PLEKHA8: variants seen among roughly 807,000 people sequenced by gnomAD.
PLEKHA8 encodes the protein pleckstrin homology domain-containing family A member 8.
PLEKHA8 carries 36 observed loss-of-function variants against 68.2 expected under a neutral mutation model. The observed-to-expected ratio is 0.53, with a 90% CI of 0.40 to 0.70. The LOEUF (loss-of-function observed/expected upper bound fraction) is 0.70, where lower values mean the gene tolerates loss of function less well. Among genes scored for constraint, PLEKHA8 ranks in the 30% least tolerant of loss-of-function variants. The pLI, the probability that PLEKHA8 is intolerant of heterozygous loss-of-function variation, is 0.00. For synonymous variants in PLEKHA8, 211 were observed against 216.1 expected, an observed-to-expected ratio of 0.98 and a Z score of 0.20; for missense variants, 505 against 615.4, an observed-to-expected ratio of 0.82 and a Z score of 1.90.
intron 13 of PLEKHA8, among the ~76,000 whole-genome samples, chr7:30,095,809 A>G (rs1170409447): frequency 1.3e-5 from 2 of 152,082 alleles, no homozygotes; most frequent in African/African-American, 4.8e-5. Context: ...TGTTTTTGTC[A>G]GGTTTGTCAA....
intron 13 of PLEKHA8, among the ~76,000 whole-genome samples, chr7:30,115,162 T>G (rs903678962): frequency 1.3e-5 from 2 of 152,104 alleles, no homozygotes; most frequent in African/African-American, 4.8e-5. Context: ...TTAAAATAAT[T>G]TTTGCTGTAT....
In PLEKHA8 at chr7:30,083,788, ATATATT is replaced by A. The variant is rs1485225045; in HGVS notation, c.*5004_*5009del. ...ATATCCTGCTTGTTCTAAATAGTTCATATATTTAAAGTGTGGTCAGTATTTCCTCCC... is the reference window on the plus strand; with the variant it reads ...ATATCCTGCTTGTTCTAAATAGTTCATAAAGTGTGGTCAGTATTTCCTCCC... On this transcript the variant is annotated 3_prime_UTR_variant, in exon 14 of 14. Transcript: ENST00000449726. The A allele has an allele frequency of 2.8e-5, 28 of 985,240 alleles. No individual in the cohort carries two copies. Among genetic ancestry groups the A allele is most frequent in the Non-Finnish European group, 3.4e-5 (28 of 829,872 alleles). The allele number at this position is 985,240 out of a possible 1,614,324, so 61.0% of individuals were successfully genotyped here.
Position 30,082,369 on chromosome 7 carries a change from G to A in PLEKHA8, c.*3582G>A, listed in dbSNP as rs1794979440. The A allele has an allele frequency of 1.0e-6, 1 of 985,378 alleles. No individual in the cohort carries two copies. The highest frequency in any genetic ancestry group is 1.2e-6 in the Non-Finnish European group (1 of 829,960). The allele number at this position is 985,378 out of a possible 1,614,324, so 61.0% of individuals were successfully genotyped here. On this transcript the variant is annotated 3_prime_UTR_variant, in exon 14 of 14. Transcript: ENST00000449726. ...CCCCATTTCCCAGGAGCAGCTTCTA[G>A]CACATATGTAGAGTATCTGGCACCA...
chr7:30,064,354 C>T (rs1404674637), intron 12 of PLEKHA8, among the ~76,000 whole-genome samples: 1 of 152,124 alleles, frequency 6.6e-6, no homozygotes, highest in Non-Finnish European at 1.5e-5. Flanking sequence ...GAGTTTGAGA[C>T]CAGCCTATGC....
intron 13 of PLEKHA8, among the ~76,000 whole-genome samples, chr7:30,121,433 T>C (rs11770298): frequency 0.16 from 24,174 of 152,080 alleles, 2,049 homozygotes; most frequent in African/African-American, 0.22. Context: ...GTTCGAGACC[T>C]GCCTGTCCAA....
chr7:30,087,485 A>G (rs746360581), downstream of PLEKHA8, among the ~76,000 whole-genome samples: 11 of 152,178 alleles, frequency 7.2e-5, no homozygotes, highest in East Asian at 1.9e-4. Flanking sequence ...GGTTGCACCT[A>G]CAGCTTTTCC....
intron 13 of PLEKHA8, among the ~76,000 whole-genome samples, chr7:30,102,263 A>T (rs1209142507): frequency 6.6e-6 from 1 of 152,262 alleles, no homozygotes; most frequent in Admixed American, 6.5e-5. Flanking sequence ...TATAATAGTA[A>T]TTTTTAAAAT....
At chr7:30,059,620 T>C (rs1370325110) in intron 9 of PLEKHA8, among the ~76,000 whole-genome samples, 1 of 152,034 alleles carries the variant, frequency 6.6e-6, no homozygotes, top group Non-Finnish European at 1.5e-5. Context: ...TTTTGGCCTC[T>C]TAGCTACCTA....
chr7:30,083,689 G>A lies in PLEKHA8; in HGVS notation c.*4902G>A. 2 of 985,346 alleles carry A rather than the reference G, an allele frequency of 2.0e-6. No individual in the cohort carries two copies. The highest frequency in any genetic ancestry group is 1.2e-6 in the Non-Finnish European group (1 of 829,892). 61.0% of individuals were successfully genotyped at this position (985,346 alleles called of 1,614,324 possible). ...AATGCAAAAGTCTTCAAAATTCTTT[G>A]TTTCCTGTATTAATCACTTCTGTTC... On this transcript the variant is annotated 3_prime_UTR_variant, in exon 14 of 14. Coordinates refer to ENST00000449726, the MANE Select transcript of PLEKHA8 (RefSeq NM_001197026.2).
chr7:30,047,669 G>A (rs942751666), intron 3 of PLEKHA8, among the ~76,000 whole-genome samples, 163 bp from the exon 4 acceptor site: 1 of 152,094 alleles, frequency 6.6e-6, no homozygotes, highest in Non-Finnish European at 1.5e-5. Context: ...TTGTTATTAT[G>A]TCTTCACCTG....
At chr7:30,056,430 A>T (rs1405183237) in intron 9 of PLEKHA8, among the ~76,000 whole-genome samples, 1 of 145,194 alleles carries the variant, frequency 6.9e-6, no homozygotes, top group Non-Finnish European at 1.5e-5. Flanking sequence ...TATGTAAATA[A>T]ATAAAATGTA....
intron 1 of PLEKHA8, among the ~76,000 whole-genome samples, chr7:30,034,182 G>C (rs925445835): frequency 6.6e-6 from 1 of 151,548 alleles, no homozygotes; most frequent in African/African-American, 2.4e-5. Context: ...CTAATTTTTT[G>C]TGTTTTTAGT....
chr7:30,107,162 AAT>A (rs1224557628), intron 13 of PLEKHA8, among the ~76,000 whole-genome samples: 5 of 152,108 alleles, frequency 3.3e-5, no homozygotes, highest in African/African-American at 1.2e-4. Context: ...CCTACCAATG[AAT>A]ATAGTTTATC....
intron 13 of PLEKHA8, among the ~76,000 whole-genome samples, chr7:30,125,918 T>A (rs1053230432): frequency 6.6e-6 from 1 of 152,220 alleles, no homozygotes; most frequent in African/African-American, 2.4e-5. Context: ...CCTATTTTTT[T>A]ATTTTATTTT....
rs374178727 is a variant in PLEKHA8, at chr7:30,046,329, G to A, written c.277G>A (p.Ala93Thr). The A allele has an allele frequency of 1.9e-6, 3 of 1,613,074 alleles. No homozygotes were observed. Among genetic ancestry groups the A allele is most frequent in the African/African-American group, 2.7e-5 (2 of 74,884 alleles). ...GCTGGTGGCCCTGGGATCAGCCAAG[G>A]CTTGCCTGACTGACAGTAGGACCCA... ...RWLVALGSAK[A>T]CLTDSRTQKE... Residue 93 changes from alanine (A) to threonine (T), a missense_variant, in exon 3 of 14, where the codon GCT (alanine) becomes ACT (threonine). Ala to Thr is a moderately conservative substitution (Grantham distance 58). Transcript: ENST00000449726.
At chr7:30,099,715 G>T (rs1795779158) in intron 13 of PLEKHA8, among the ~76,000 whole-genome samples, 1 of 152,150 alleles carries the variant, frequency 6.6e-6, no homozygotes, top group Non-Finnish European at 1.5e-5. Flanking sequence ...TATAATCATT[G>T]ATCCAAAGAG....
downstream of PLEKHA8, among the ~76,000 whole-genome samples, chr7:30,092,417 G>A (rs1795452923): frequency 6.6e-6 from 1 of 151,892 alleles, no homozygotes; most frequent in Non-Finnish European, 1.5e-5. Flanking sequence ...TGTGTGTCAC[G>A]GCACCTTCAA....
intron 9 of PLEKHA8, among the ~76,000 whole-genome samples, chr7:30,059,349 G>A (rs892454978): frequency 6.6e-6 from 1 of 152,140 alleles, no homozygotes; most frequent in Admixed American, 6.5e-5. Flanking sequence ...TTTATATGCT[G>A]AGTTGTTTTT....
chr7:30,086,792 T>C (rs1476329101), downstream of PLEKHA8, among the ~76,000 whole-genome samples: 6 of 152,172 alleles, frequency 3.9e-5, no homozygotes. Context: ...TCACTCTTGT[T>C]GGTAGGTTAG....
Sources: allele counts gnomAD v4.1 joint callset (sites outside exome capture counted in the v4.1 genomes callset), GRCh38; gene constraint gnomAD v4.1.1; transcripts MANE v1.5; gene names NCBI Gene and HGNC (gene_info 2026-07-23, HGNC 2026-07-21).